GSG1L: variants seen among roughly 807,000 people sequenced by gnomAD.
The protein encoded by GSG1L is GSG1 like, also known as germ cell-specific gene 1-like protein.
In GSG1L, 24 loss-of-function variants were observed where a neutral mutation model predicts 42.1. That is an observed-to-expected ratio of 0.57 (90% confidence interval 0.41 to 0.80). GSG1L has a LOEUF of 0.80. Ranked by LOEUF, GSG1L falls within the 30% of genes least tolerant of loss-of-function variation. GSG1L has a pLI of 0.00. For synonymous variants in GSG1L, 215 were observed against 203.5 expected (o/e 1.06, Z -0.48); for missense variants, 445 against 472.2 (o/e 0.94, Z 0.53).
chr16:28,031,721 C>T (rs935466769), intron 1 of GSG1L, among the ~76,000 whole-genome samples: 5 of 152,102 alleles, frequency 3.3e-5, no homozygotes, highest in African/African-American at 1.2e-4. Flanking sequence ...GTTCTGACCC[C>T]AGCACACGGA....
At chr16:28,047,673 G>A (rs974073846) in intron 1 of GSG1L, among the ~76,000 whole-genome samples, 2 of 152,076 alleles carry the variant, frequency 1.3e-5, no homozygotes, top group Non-Finnish European at 2.9e-5. Flanking sequence ...GAAAAAAATA[G>A]GATGCAAAGT....
At chr16:27,856,248 C>G (rs1290549330) in intron 3 of GSG1L, among the ~76,000 whole-genome samples, 1 of 152,140 alleles carries the variant, frequency 6.6e-6, no homozygotes, top group African/African-American at 2.4e-5. Flanking sequence ...AGGGCAGGGA[C>G]AGTGGGGGAC....
intron 5 of GSG1L, among the ~76,000 whole-genome samples, chr16:27,820,660 G>T (rs1310812009): frequency 6.6e-6 from 1 of 152,168 alleles, no homozygotes; most frequent in Admixed American, 6.5e-5. Flanking sequence ...TGTCCATGCT[G>T]GTTTCTTGCA....
chr16:27,882,893 C>T (rs555976043), intron 3 of GSG1L, among the ~76,000 whole-genome samples: 2 of 152,228 alleles, frequency 1.3e-5, no homozygotes, highest in Non-Finnish European at 2.9e-5. Context: ...ATTACTTGAG[C>T]CCAGGAGTTG....
intron 2 of GSG1L, among the ~76,000 whole-genome samples, chr16:27,924,923 CCCCAGTCT>C (rs1234665091): frequency 3.9e-5 from 6 of 152,160 alleles, no homozygotes; most frequent in Non-Finnish European, 7.3e-5. Flanking sequence ...AAGAGACCTT[CCCCAGTCT>C]CCCAGCAACA....
intron 2 of GSG1L, among the ~76,000 whole-genome samples, chr16:27,943,597 CAG>C (rs1443171316): frequency 8.8e-5 from 7 of 79,718 alleles, no homozygotes; most frequent in Non-Finnish European, 1.5e-4. Flanking sequence ...TTTTTTGAGG[CAG>C]AGTCTTGCTG....
intron 5 of GSG1L, among the ~76,000 whole-genome samples, chr16:27,809,665 CCT>C: frequency 6.6e-6 from 1 of 152,170 alleles, no homozygotes; most frequent in African/African-American, 2.4e-5. Flanking sequence ...TTCCTCCATC[CCT>C]CTCTTTTCTC....
intron 2 of GSG1L, among the ~76,000 whole-genome samples, chr16:27,912,263 T>C (rs2084400475): frequency 1.3e-5 from 2 of 152,148 alleles, no homozygotes; most frequent in South Asian, 4.1e-4. Context: ...CCTATAATCC[T>C]AGCACTTCAA....
chr16:27,821,549 C>A (rs1343170984), intron 5 of GSG1L, among the ~76,000 whole-genome samples: 1 of 152,054 alleles, frequency 6.6e-6, no homozygotes, highest in Non-Finnish European at 1.5e-5. Context: ...TTTTCTGTTT[C>A]TGCAAAACCT....
intron 3 of GSG1L, among the ~76,000 whole-genome samples, chr16:27,849,173 G>A (rs2083477084): frequency 6.9e-6 from 1 of 145,220 alleles, no homozygotes; most frequent in Non-Finnish European, 1.5e-5. Context: ...ACTCCAGCCT[G>A]GGTGACAGAG....
intron 6 of GSG1L, among the ~76,000 whole-genome samples, chr16:27,794,264 C>T (rs1365244606): frequency 6.6e-6 from 1 of 152,106 alleles, no homozygotes; most frequent in Non-Finnish European, 1.5e-5. Flanking sequence ...GTTATCTTCC[C>T]GCCTCAGCCT....
intron 1 of GSG1L, among the ~76,000 whole-genome samples, chr16:28,021,249 TAC>T (rs778437489): frequency 6.6e-6 from 1 of 152,096 alleles, no homozygotes; most frequent in Non-Finnish European, 1.5e-5. Context: ...GGGGTGCAAG[TAC>T]ACAGACTTAT....
intron 2 of GSG1L, among the ~76,000 whole-genome samples, chr16:27,939,102 G>A (rs2084755382): frequency 6.6e-6 from 1 of 152,122 alleles, no homozygotes; most frequent in Admixed American, 6.6e-5. Flanking sequence ...GAGCTCAAGG[G>A]TAGCAAACAT....
At chr16:27,829,470 A>AT (rs2140967053) in intron 4 of GSG1L, among the ~76,000 whole-genome samples, 1 of 152,290 alleles carries the variant, frequency 6.6e-6, no homozygotes, top group Non-Finnish European at 1.5e-5. Flanking sequence ...CTAAAAGCTC[A>AT]TTTTTTATGA....
chr16:27,902,983 A>ACAGCCAGGCAAAGCAGTGG (rs2084279091), intron 2 of GSG1L, among the ~76,000 whole-genome samples: 1 of 152,094 alleles, frequency 6.6e-6, no homozygotes, highest in African/African-American at 2.4e-5. Context: ...AGACAAGGAC[A>ACAGCCAGGCAAAGCAGTGG]CAGCCAGGCA....
chr16:27,888,472 CTCTCTCTTTCCTTTCTT>C (rs2084066812), intron 2 of GSG1L, among the ~76,000 whole-genome samples: 1 of 61,768 alleles, frequency 1.6e-5, no homozygotes. Context: ...TTCTCTCTCT[CTCTCTCTTTCCTTTCTT>C]TCTTTCTTTC....
chr16:27,922,111 G>T (rs1269513780), intron 2 of GSG1L, among the ~76,000 whole-genome samples: 1 of 149,990 alleles, frequency 6.7e-6, no homozygotes, highest in East Asian at 2.0e-4. Flanking sequence ...TTCTGACCAT[G>T]CACATGTGCC....
intron 4 of GSG1L, among the ~76,000 whole-genome samples, chr16:27,844,220 A>G (rs761409971): frequency 6.6e-6 from 1 of 152,214 alleles, no homozygotes; most frequent in South Asian, 2.1e-4. Flanking sequence ...CTTTCCAGTT[A>G]CACAAACAAA....
At chr16:27,893,823 A>C (rs1374459656) in intron 2 of GSG1L, among the ~76,000 whole-genome samples, 1 of 151,954 alleles carries the variant, frequency 6.6e-6, no homozygotes, top group East Asian at 1.9e-4. Context: ...CACAATCATG[A>C]CTCACTGCAG....
Sources: gnomAD v4.1 joint callset for allele counts (sites outside exome capture counted in the v4.1 genomes callset) on GRCh38, gnomAD v4.1.1 for gene constraint, MANE v1.5 for transcripts, NCBI Gene and HGNC (gene_info 2026-07-23, HGNC 2026-07-21) for gene names.